The following SHF variants were observed in gnomAD, a reference collection of about 807,000 sequenced individuals.
SHF encodes SH2 domain-containing adapter protein F.
Under a neutral mutation model 42.4 loss-of-function variants are expected in SHF, and 30 were observed. The observed-to-expected ratio is 0.71, with a 90% CI of 0.53 to 0.96. The LOEUF is 0.96. Among genes scored for constraint, SHF ranks in the 40% least tolerant of loss-of-function variants. The probability of loss-of-function intolerance (pLI) is 0.00; values close to 1 mark genes in which losing one functional copy is unlikely to be tolerated. For missense variants in SHF, 598 were observed against 634.0 expected (o/e 0.94, Z 0.61); for synonymous variants, 264 against 269.9 (o/e 0.98, Z 0.21).
intron 2 of SHF, among the ~76,000 whole-genome samples, chr15:45,197,249 T>C (rs1898894306): frequency 8.2e-6 from 1 of 122,634 alleles, no homozygotes; most frequent in South Asian, 2.7e-4. Context: ...ACCTTGTCTC[T>C]AAAAAAAAAA....
chr15:45,200,600 C>T (rs758748655), intron 1 of SHF: 116 of 395,580 alleles, frequency 2.9e-4, no homozygotes, highest in Admixed American at 4.7e-4. Flanking sequence ...TCTCCACCCT[C>T]GCAGCCATCT....
intron 6 of SHF, among the ~76,000 whole-genome samples, chr15:45,169,185 G>A (rs182193722): frequency 4.6e-5 from 7 of 152,310 alleles, no homozygotes; most frequent in East Asian, 1.9e-4. Context: ...TCCACCCCCC[G>A]GAGAAGTGAG....
At chr15:45,196,850 G>C (rs891205065) in intron 2 of SHF, among the ~76,000 whole-genome samples, 1 of 146,974 alleles carries the variant, frequency 6.8e-6, no homozygotes, top group African/African-American at 2.5e-5. Flanking sequence ...AGTGAGCCAA[G>C]ATTGCACCAC....
intron 2 of SHF, among the ~76,000 whole-genome samples, chr15:45,195,169 G>A (rs533502549): frequency 2.6e-5 from 4 of 152,294 alleles, no homozygotes; most frequent in African/African-American, 9.6e-5. Flanking sequence ...ATCACCAAAT[G>A]AACATACCTC....
intron 1 of SHF, among the ~76,000 whole-genome samples, chr15:45,183,186 G>C (rs1898216056): frequency 6.6e-6 from 1 of 152,210 alleles, no homozygotes; most frequent in Non-Finnish European, 1.5e-5. Context: ...GAGGGTCCAG[G>C]CATTGGGCTC....
intron 1 of SHF, 46 bp from the exon 2 acceptor site, chr15:45,178,352 C>T (rs571626636): frequency 6.3e-7 from 1 of 1,588,922 alleles, no homozygotes; most frequent in African/African-American, 1.4e-5. Context: ...AGCAGAGAGG[C>T]AACTCTGCTT....
chr15:45,184,634 T>C (rs1277535142), intron 1 of SHF, among the ~76,000 whole-genome samples: 1 of 152,218 alleles, frequency 6.6e-6, no homozygotes, highest in Non-Finnish European at 1.5e-5. Flanking sequence ...GCTGAGAGCT[T>C]TGTCCAATCA....
intron 1 of SHF, among the ~76,000 whole-genome samples, chr15:45,187,241 A>T (rs1898468164): frequency 6.6e-6 from 1 of 152,214 alleles, no homozygotes; most frequent in Non-Finnish European, 1.5e-5. Flanking sequence ...AGGATAGGGC[A>T]GAGGGGCAGA....
At chr15:45,196,555 G>A (rs7181168) in intron 2 of SHF, among the ~76,000 whole-genome samples, 2,578 of 152,246 alleles carry the variant, frequency 0.017, 43 homozygotes, top group African/African-American at 0.042. Flanking sequence ...GAAGCCCCAA[G>A]TCAGTTGCTT....
At chr15:45,187,183 A>C (rs1752716254) in intron 1 of SHF, among the ~76,000 whole-genome samples, 1 of 152,198 alleles carries the variant, frequency 6.6e-6, no homozygotes, top group East Asian at 1.9e-4. Flanking sequence ...TACGAAGTGG[A>C]GAGCCAGCCC....
chr15:45,169,076 G>A (rs2141331071), intron 6 of SHF, among the ~76,000 whole-genome samples: 1 of 152,180 alleles, frequency 6.6e-6, no homozygotes, highest in East Asian at 1.9e-4. Flanking sequence ...AAGCCTAAGT[G>A]TTATATACTG....
intron 2 of SHF, among the ~76,000 whole-genome samples, chr15:45,193,231 G>A (rs1007945013): frequency 6.6e-6 from 1 of 152,216 alleles, no homozygotes; most frequent in Non-Finnish European, 1.5e-5. Flanking sequence ...AATTTAGAAA[G>A]TTTATTTTGC....
intron 6 of SHF, chr15:45,171,241 T>C (rs1288645224): frequency 6.5e-6 from 1 of 153,800 alleles, no homozygotes; most frequent in Non-Finnish European, 1.4e-5. Flanking sequence ...GGGAGGCTGA[T>C]CTGCTGCTCC....
chr15:45,182,025 T>G (rs1360866223), intron 1 of SHF, among the ~76,000 whole-genome samples: 1 of 152,160 alleles, frequency 6.6e-6, no homozygotes, highest in African/African-American at 2.4e-5. Flanking sequence ...TCTGCTATAT[T>G]GTGTCTGTTC....
At chr15:45,175,464 G>T in intron 2 of SHF, 39 bp from the exon 3 acceptor site, 1 of 1,547,974 alleles carries the variant, frequency 6.5e-7, no homozygotes, top group Admixed American at 2.0e-5. Flanking sequence ...TGAGGGTTCA[G>T]CCTTGGCTTT....
intron 6 of SHF, among the ~76,000 whole-genome samples, chr15:45,170,016 G>C (rs1302772021): frequency 1.3e-5 from 2 of 152,250 alleles, no homozygotes; most frequent in African/African-American, 4.8e-5. Context: ...CAGATGCGGA[G>C]CCAGGTCAGC....
In SHF at chr15:45,187,557, C is replaced by T. The variant is rs1898498269; in HGVS notation, c.395G>A (p.Arg132His). 8.1e-7 allele frequency: 1 copy of T among 1,228,742 alleles called. No individual in the cohort carries two copies. The allele number at this position is 1,228,742 out of a possible 1,614,324, so 76.1% of individuals were successfully genotyped here. ...AAGGCGGTGTGGGGGAGAGCCGTGG[C>T]GCGGGGGCGGCGTGGGTCCGGGGGC... Reference protein sequence around the residue: ...PVAPGPTPPPRHGSPPHRLIR... With the variant: ...PVAPGPTPPPHHGSPPHRLIR... Residue 132 changes from arginine to histidine, a missense_variant, in exon 1 of 7, where the codon CGC (arginine) becomes CAC (histidine). By Grantham distance (29) the Arg-to-His change is conservative. This residue lies in a region of SHF where 439 missense variants were observed against 524.6 expected (regional missense o/e 0.84). Transcript: ENST00000690270.
chr15:45,198,576 G>A (rs1051623534), intron 2 of SHF: 25 of 566,256 alleles, frequency 4.4e-5, no homozygotes, highest in Admixed American at 1.4e-4. Flanking sequence ...AAAAAATACC[G>A]AGCCCCTTGC....
At chr15:45,186,302 C>T (rs1289253864) in intron 1 of SHF, among the ~76,000 whole-genome samples, 1 of 152,272 alleles carries the variant, frequency 6.6e-6, no homozygotes, top group Non-Finnish European at 1.5e-5. Flanking sequence ...TGACAGATCT[C>T]TCTCATCCAG....
Sources: allele counts gnomAD v4.1 joint callset (sites outside exome capture counted in the v4.1 genomes callset), GRCh38; gene constraint gnomAD v4.1.1; regional missense constraint gnomAD v4.1.1; transcripts MANE v1.5; gene names NCBI Gene and HGNC (gene_info 2026-07-23, HGNC 2026-07-21).